JAKMIP3: variants seen among roughly 807,000 people sequenced by gnomAD.
JAKMIP3 encodes Janus kinase and microtubule interacting protein 3, also known as janus kinase and microtubule-interacting protein 3.
In JAKMIP3, 58 loss-of-function variants were observed where a neutral mutation model predicts 118.5. The observed-to-expected ratio is 0.49, with a 90% CI of 0.40 to 0.61. The LOEUF is 0.61. Among genes scored for constraint, JAKMIP3 ranks in the 20% least tolerant of loss-of-function variants. The probability of loss-of-function intolerance (pLI) is 0.00; values close to 1 mark genes in which losing one functional copy is unlikely to be tolerated. For missense variants in JAKMIP3, 950 were observed against 1,109.0 expected, an observed-to-expected ratio of 0.86 and a Z score of 2.04; for synonymous variants, 486 against 451.2, an observed-to-expected ratio of 1.08 and a Z score of -0.98.
At position 132,118,716 on chromosome 10, in the gene JAKMIP3, AGT is replaced by A. The variant is rs760014552; in HGVS notation, c.633+1144_633+1145del. On this transcript the variant is annotated intron_variant, in intron 3 of 23. Transcript: ENST00000684848. This position sits in a 1 kb window ranked among gnomAD's most constrained non-coding sequence, Gnocchi z 4.8. Reference sequence around the variant, plus strand: ...CCCGGGTGATTCCCTTCCTTTCCAAAGTGGTCCCTGTTCCAACCTCCCCTACA... The same window carrying A: ...CCCGGGTGATTCCCTTCCTTTCCAAAGGTCCCTGTTCCAACCTCCCCTACA... 2.6e-5 allele frequency among the ~76,000 whole-genome samples: 4 copies of A among 152,150 alleles called. No individual in the cohort carries two copies. The highest frequency in any genetic ancestry group is 4.4e-5 in the Non-Finnish European group (3 of 68,022).
chr10:132,153,656 G>A (rs2056623344), intron 17 of JAKMIP3, 103 bp from the exon 18 acceptor site: 1 of 1,125,808 alleles, frequency 8.9e-7, no homozygotes, highest in East Asian at 2.4e-5. Context: ...AAGGAGAAGA[G>A]GAAGGAAGAC....
chr10:132,045,303 G>A (rs1210959155), intron 1 of JAKMIP3, among the ~76,000 whole-genome samples: 1 of 152,134 alleles, frequency 6.6e-6, no homozygotes, highest in African/African-American at 2.4e-5. Context: ...CTTGTTGGCT[G>A]CCTGGATGTT....
At chr10:132,174,034 G>T (rs2059910139) in intron 23 of JAKMIP3, among the ~76,000 whole-genome samples, 1 of 149,816 alleles carries the variant, frequency 6.7e-6, no homozygotes, top group Admixed American at 6.6e-5. Flanking sequence ...TGTTAGTGGT[G>T]GTGTGTGGTG....
At chr10:132,165,268 C>T (rs1014790422) in intron 21 of JAKMIP3, among the ~76,000 whole-genome samples, 4 of 152,198 alleles carry the variant, frequency 2.6e-5, no homozygotes, top group African/African-American at 9.7e-5. Context: ...CTGCTCTGTC[C>T]ATGCACATAA....
intron 1 of JAKMIP3, among the ~76,000 whole-genome samples, chr10:132,094,050 G>C (rs2043498352): frequency 6.8e-6 from 1 of 147,856 alleles, no homozygotes; most frequent in African/African-American, 2.5e-5. Context: ...CAATTCTCTT[G>C]CCTCAGCCTC....
chr10:132,135,986 G>T lies in JAKMIP3; in HGVS notation c.1026G>T (p.Lys342Asn), dbSNP rs2051684596. 7 of 1,613,616 alleles carry T rather than the reference G, an allele frequency of 4.3e-6. No individual in the cohort carries two copies. Among genetic ancestry groups the T allele is most frequent in the Non-Finnish European group, 5.9e-6 (7 of 1,179,782 alleles). ...SQYKPLLDKNKRLSRKNEDLS... is the reference protein window; with the variant it reads ...SQYKPLLDKNNRLSRKNEDLS... ...ACAAGCCTCTGCTGGATAAAAACAA[G>T]CGCCTCAGTCGGAAGAACGAGGATT... Residue 342 changes from lysine (K) to asparagine (N), a missense_variant, in exon 6 of 24, where the codon AAG becomes AAT. Physicochemically the swap from Lys to Asn is moderately conservative, Grantham distance 94. Transcript: ENST00000684848.
intron 20 of JAKMIP3, among the ~76,000 whole-genome samples, 188 bp from the exon 21 acceptor site, chr10:132,164,482 C>T (rs1304303714): frequency 2.0e-5 from 3 of 152,358 alleles, no homozygotes; most frequent in Non-Finnish European, 2.9e-5. Context: ...TGTGGCATGG[C>T]GAAGACCCTC....
chr10:132,120,644 G>A (rs1399551959), intron 3 of JAKMIP3, among the ~76,000 whole-genome samples: 1 of 152,246 alleles, frequency 6.6e-6, no homozygotes, highest in African/African-American at 2.4e-5. Flanking sequence ...GGTGCCCTGA[G>A]GGTGTCAGCT....
intron 2 of JAKMIP3, among the ~76,000 whole-genome samples, chr10:132,106,418 A>G (rs1238886021): frequency 1.3e-5 from 2 of 151,534 alleles, no homozygotes; most frequent in Non-Finnish European, 2.9e-5. Context: ...GTTGACCCAC[A>G]AAACCTAAAA....
chr10:132,173,714 GGTGGTGTGTGT>G (rs1451629102), intron 23 of JAKMIP3, among the ~76,000 whole-genome samples: 1 of 127,596 alleles, frequency 7.8e-6, no homozygotes, highest in African/African-American at 2.7e-5. Flanking sequence ...GTATGTTCAT[GGTGGTGTGTGT>G]GTGGTGTGTC....
chr10:132,127,325 C>T (rs538685464), intron 3 of JAKMIP3, among the ~76,000 whole-genome samples: 2 of 150,586 alleles, frequency 1.3e-5, no homozygotes, highest in Non-Finnish European at 1.5e-5. Context: ...TGGGTTCAAG[C>T]GATTCTCCTG....
intron 23 of JAKMIP3, chr10:132,169,764 C>A (rs2059299076): frequency 6.6e-6 from 1 of 152,358 alleles, no homozygotes; most frequent in African/African-American, 2.4e-5. Context: ...GGGAGATGCT[C>A]CCTGCGTAGA....
chr10:132,176,309 G>A (rs911115470), intron 23 of JAKMIP3, among the ~76,000 whole-genome samples: 7 of 152,320 alleles, frequency 4.6e-5, no homozygotes, highest in South Asian at 2.1e-4. Flanking sequence ...CAGAACCAGC[G>A]GGAGGGTCCC....
intron 9 of JAKMIP3, among the ~76,000 whole-genome samples, chr10:132,140,208 G>A (rs1473139666): frequency 2.0e-5 from 3 of 152,190 alleles, no homozygotes; most frequent in Non-Finnish European, 2.9e-5. Flanking sequence ...CCACCACCAA[G>A]GGCAGGGCCA....
intron 1 of JAKMIP3, among the ~76,000 whole-genome samples, chr10:132,092,198 C>T (rs1400645746): frequency 2.0e-5 from 3 of 152,274 alleles, no homozygotes; most frequent in African/African-American, 7.2e-5. Context: ...CTGCCCTTAA[C>T]ATTTTTTCCT....
rs2059156089 is a variant in JAKMIP3, at chr10:132,168,344, C to T, written c.*414C>T. The T allele has an allele frequency of 3.1e-6, 4 of 1,289,442 alleles. No homozygotes were observed. Among genetic ancestry groups the T allele is most frequent in the Non-Finnish European group, 4.0e-6 (4 of 988,840 alleles). The allele number at this position is 1,289,442 out of a possible 1,614,324, so 79.9% of individuals were successfully genotyped here. ...TCTCTCTTGGTTCTCACAGTAGCTG[C>T]CACTGGTGTCTGGAGGAAGATTTTC... On this transcript the variant is annotated 3_prime_UTR_variant, in exon 23 of 24. Coordinates refer to ENST00000684848, the MANE Select transcript of JAKMIP3 (RefSeq NM_001323087.2).
intron 23 of JAKMIP3, among the ~76,000 whole-genome samples, chr10:132,173,390 C>A (rs1040948191): frequency 6.6e-6 from 1 of 151,240 alleles, no homozygotes; most frequent in Non-Finnish European, 1.5e-5. Context: ...ACCTGCTCAT[C>A]TGTGCGGCCC....
At chr10:132,078,554 A>G (rs547142849) in intron 1 of JAKMIP3, among the ~76,000 whole-genome samples, 2 of 143,890 alleles carry the variant, frequency 1.4e-5, no homozygotes, top group Non-Finnish European at 1.5e-5. Flanking sequence ...TCAGCAGCCC[A>G]GCATCCCATT....
chr10:132,115,060 G>T (rs931035072), intron 2 of JAKMIP3, among the ~76,000 whole-genome samples: 1 of 152,192 alleles, frequency 6.6e-6, no homozygotes, highest in Non-Finnish European at 1.5e-5. Context: ...GGTGAATTAC[G>T]CATGAAGTGT....
Sources: gnomAD v4.1 joint callset for allele counts (sites outside exome capture counted in the v4.1 genomes callset) on GRCh38, gnomAD v4.1.1 for gene constraint, Gnocchi (gnomAD v3.1) non-coding constraint, MANE v1.5 for transcripts, NCBI Gene and HGNC (gene_info 2026-07-23, HGNC 2026-07-21) for gene names.